The following CNNM2 variants were observed in gnomAD, a reference collection of about 807,000 sequenced individuals.
CNNM2 encodes cyclin and CBS domain divalent metal cation transport mediator 2.
Under a neutral mutation model 66.9 loss-of-function variants are expected in CNNM2, and 12 were observed. The ratio of observed to expected loss-of-function variants is 0.18; its 90% CI spans 0.11 to 0.29. The LOEUF (loss-of-function observed/expected upper bound fraction) is 0.29, where lower values mean the gene tolerates loss of function less well. Among genes scored for constraint, CNNM2 ranks in the 10% least tolerant of loss-of-function variants. The pLI, the probability that CNNM2 is intolerant of heterozygous loss-of-function variation, is 1.00. For synonymous variants in CNNM2, 557 were observed against 501.8 expected (o/e 1.11, Z -1.47); for missense variants, 705 against 1,167.7 (o/e 0.60, Z 5.77).
chr10:103,041,689 G>A (rs2134318151), intron 1 of CNNM2, among the ~76,000 whole-genome samples: 1 of 152,266 alleles, frequency 6.6e-6, no homozygotes, highest in African/African-American at 2.4e-5. Context: ...CACCTTTCGT[G>A]ACCTTTCGGC....
At chr10:102,994,254 C>T (rs1039463237) in intron 1 of CNNM2, among the ~76,000 whole-genome samples, 3 of 152,200 alleles carry the variant, frequency 2.0e-5, no homozygotes, top group Admixed American at 6.5e-5. Context: ...TTAACTTCTA[C>T]TCCTTACTTG....
In CNNM2 at chr10:103,025,184, C is replaced by T. The variant is rs537235227; in HGVS notation, c.1622-24523C>T. 3.9e-3 allele frequency among the ~76,000 whole-genome samples: 590 copies of T among 152,270 alleles called. 2 individuals are homozygous for T. Among genetic ancestry groups the T allele is most frequent in the Non-Finnish European group, 5.3e-3 (358 of 67,998 alleles). ...TCCGCTCGCGGCAACCTCCAACTCC[C>T]TGGTTCAAGCGATTCTCCTGCCTCA... is the stretch of plus-strand genomic sequence containing the variant. On this transcript the variant is annotated intron_variant, in intron 1 of 7. Coordinates refer to ENST00000369878, the MANE Select transcript of CNNM2 (RefSeq NM_017649.5).
intron 6 of CNNM2, among the ~76,000 whole-genome samples, chr10:103,075,406 G>A (rs951335632): frequency 2.6e-5 from 4 of 152,068 alleles, no homozygotes; most frequent in Admixed American, 6.5e-5. Context: ...CCAGACTGGC[G>A]CTCCTTCCAC....
intron 1 of CNNM2, among the ~76,000 whole-genome samples, chr10:102,937,548 C>A (rs911992118): frequency 1.3e-5 from 2 of 152,118 alleles, no homozygotes; most frequent in Middle Eastern, 3.4e-3. Flanking sequence ...TAAAAGGAGA[C>A]AAAAAGATAA....
intron 1 of CNNM2, chr10:103,027,296 G>A (rs544378994): frequency 4.6e-5 from 7 of 152,352 alleles, no homozygotes; most frequent in African/African-American, 1.7e-4. Context: ...AAAATACAAA[G>A]TAGTTCCTTA....
chr10:102,968,101 G>A (rs572430636), intron 1 of CNNM2, among the ~76,000 whole-genome samples: 151 of 142,674 alleles, frequency 1.1e-3, no homozygotes, highest in Non-Finnish European at 1.8e-3. Context: ...AAGTTTCTGG[G>A]TCATATAGTA....
chr10:102,970,329 T>C (rs1036440721), intron 1 of CNNM2, among the ~76,000 whole-genome samples: 4 of 152,186 alleles, frequency 2.6e-5, no homozygotes, highest in Non-Finnish European at 4.4e-5. Flanking sequence ...ATAATTGTGA[T>C]ATGTGAAAAT....
At chr10:103,056,731 A>G (rs756169555) in intron 3 of CNNM2, 64 bp from the exon 4 acceptor site, 31 of 1,426,202 alleles carry the variant, frequency 2.2e-5, no homozygotes, top group Non-Finnish European at 2.9e-5. Context: ...CTCAATTACT[A>G]TTAATAGTAT....
intron 1 of CNNM2, among the ~76,000 whole-genome samples, chr10:103,026,970 G>A (rs1192948936): frequency 6.6e-6 from 1 of 152,198 alleles, no homozygotes; most frequent in South Asian, 2.1e-4. Flanking sequence ...AAAAATACTT[G>A]TTGAATGAAT....
intron 1 of CNNM2, among the ~76,000 whole-genome samples, chr10:103,021,562 C>T (rs929692065): frequency 2.0e-5 from 3 of 152,094 alleles, no homozygotes; most frequent in South Asian, 4.1e-4. Flanking sequence ...AGAGTTCTGG[C>T]GCTTTCGCTC....
At chr10:102,921,152 G>C in intron 1 of CNNM2, 1 of 566,028 alleles carries the variant, frequency 1.8e-6, no homozygotes, top group Non-Finnish European at 2.2e-6. Flanking sequence ...TTGAAGTTCT[G>C]AATGTTTCCA....
At chr10:102,981,217 G>T (rs1590344152) in intron 1 of CNNM2, among the ~76,000 whole-genome samples, 2 of 152,100 alleles carry the variant, frequency 1.3e-5, no homozygotes, top group Admixed American at 1.3e-4. Context: ...AGGTGTGATG[G>T]CGTGTGCCTG....
intron 1 of CNNM2, among the ~76,000 whole-genome samples, chr10:102,991,676 A>T (rs2063900352): frequency 6.6e-6 from 1 of 152,198 alleles, no homozygotes; most frequent in African/African-American, 2.4e-5. Flanking sequence ...TTAAATACAG[A>T]GCATTTTTCA....
chr10:103,062,182 T>C (rs1440756429), intron 4 of CNNM2, among the ~76,000 whole-genome samples: 1 of 152,176 alleles, frequency 6.6e-6, no homozygotes, highest in African/African-American at 2.4e-5. Context: ...GTGGAAAGCA[T>C]GTGCCCGGCC....
At chr10:102,975,487 A>AAAC (rs1473681790) in intron 1 of CNNM2, among the ~76,000 whole-genome samples, 1 of 151,384 alleles carries the variant, frequency 6.6e-6, no homozygotes, top group Non-Finnish European at 1.5e-5. Context: ...AAAAAAAAAA[A>AAAC]ACAAACCTCC....
rs963007157 is a variant in CNNM2, at chr10:103,032,464, G to A, written c.1622-17243G>A. Among the ~76,000 whole-genome samples the A allele has an allele frequency of 2.6e-5, 4 of 151,504 alleles. No homozygotes were observed. In the East Asian group the frequency reaches 7.9e-4, roughly 30 times the overall value. ...AGACTCCATCTCAAAAAGAAAAAAA[G>A]AATTACCCTGTAGAATGCAAATTTT... On this transcript the variant is annotated intron_variant, in intron 1 of 7. Transcript: ENST00000369878.
chr10:103,042,843 GATC>G (rs2065065443), intron 1 of CNNM2, among the ~76,000 whole-genome samples: 2 of 152,170 alleles, frequency 1.3e-5, no homozygotes, highest in Admixed American at 1.3e-4. Flanking sequence ...GCCATTAAAA[GATC>G]ATGTCATTTT....
intron 1 of CNNM2, among the ~76,000 whole-genome samples, chr10:102,968,896 C>T (rs1368184816): frequency 6.8e-6 from 1 of 147,244 alleles, no homozygotes; most frequent in Non-Finnish European, 1.5e-5. Context: ...CCACTTGTGC[C>T]CAGCCAGTGC....
At chr10:103,032,987 C>T (rs2064858560) in intron 1 of CNNM2, among the ~76,000 whole-genome samples, 1 of 150,896 alleles carries the variant, frequency 6.6e-6, no homozygotes, top group Non-Finnish European at 1.5e-5. Flanking sequence ...ATGTGGCTAC[C>T]CATGCCTGTA....
Sources: allele counts gnomAD v4.1 joint callset (sites outside exome capture counted in the v4.1 genomes callset), GRCh38; gene constraint gnomAD v4.1.1; transcripts MANE v1.5; gene names NCBI Gene and HGNC (gene_info 2026-07-23, HGNC 2026-07-21).